Variants in MACROD2 observed in about 807,000 individuals in gnomAD.
MACROD2 encodes the protein mono-ADP ribosylhydrolase 2.
MACROD2 carries 36 observed loss-of-function variants against 70.4 expected under a neutral mutation model. The observed-to-expected ratio is 0.51, with a 90% confidence interval of 0.39 to 0.68. MACROD2 has a LOEUF of 0.68. Among genes scored for constraint, MACROD2 ranks in the 30% least tolerant of loss-of-function variants. MACROD2 has a pLI of 0.00. For synonymous variants in MACROD2, 172 were observed against 178.8 expected, an observed-to-expected ratio of 0.96 and a Z score of 0.30; for missense variants, 496 against 538.4, an observed-to-expected ratio of 0.92 and a Z score of 0.78.
intron 8 of MACROD2, among the ~76,000 whole-genome samples, chr20:15,690,177 A>G (rs1293023902): frequency 2.6e-5 from 4 of 152,236 alleles, no homozygotes; most frequent in African/African-American, 4.8e-5. Flanking sequence ...GAAGGAGACA[A>G]TTGCAGCAAC....
intron 3 of MACROD2, among the ~76,000 whole-genome samples, chr20:14,262,105 A>C (rs2082106126): frequency 6.6e-6 from 1 of 152,208 alleles, no homozygotes; most frequent in Admixed American, 6.5e-5. Context: ...GGAGAGATAT[A>C]AAACAATATA....
intron 5 of MACROD2, among the ~76,000 whole-genome samples, chr20:15,152,594 G>A (rs2076279028): frequency 6.6e-6 from 1 of 151,242 alleles, no homozygotes; most frequent in Non-Finnish European, 1.5e-5. Flanking sequence ...GAAGGTGAAG[G>A]GGTTGAGGGG....
intron 7 of MACROD2, among the ~76,000 whole-genome samples, chr20:15,462,863 C>CT (rs1375789543): frequency 6.6e-6 from 1 of 152,158 alleles, no homozygotes; most frequent in Non-Finnish European, 1.5e-5. Flanking sequence ...CTGATTATGA[C>CT]TGACAACCAG....
intron 8 of MACROD2, among the ~76,000 whole-genome samples, chr20:15,808,241 G>C (rs1030122404): frequency 1.3e-5 from 2 of 152,106 alleles, no homozygotes; most frequent in African/African-American, 2.4e-5. Flanking sequence ...TTTGGCTGTG[G>C]CTCTTCCTGC....
At chr20:15,674,869 G>A (rs949246531) in intron 8 of MACROD2, among the ~76,000 whole-genome samples, 25 of 152,008 alleles carry the variant, frequency 1.6e-4, no homozygotes, top group Admixed American at 7.9e-4. Context: ...AAATATTTTT[G>A]GAGTTGAGCC....
intron 8 of MACROD2, among the ~76,000 whole-genome samples, chr20:15,653,665 C>T (rs147580974): frequency 5.9e-5 from 9 of 152,240 alleles, no homozygotes; most frequent in African/African-American, 1.9e-4. Context: ...TGCTGTTGGT[C>T]AGGTGTCTAC....
intron 8 of MACROD2, among the ~76,000 whole-genome samples, chr20:15,545,086 C>A (rs1260014120): frequency 6.6e-6 from 1 of 152,188 alleles, no homozygotes; most frequent in Non-Finnish European, 1.5e-5. Context: ...TGACATGTAG[C>A]ACACACTGCA....
intron 8 of MACROD2, among the ~76,000 whole-genome samples, chr20:15,639,548 C>A (rs1249227908): frequency 6.6e-6 from 1 of 152,134 alleles, no homozygotes; most frequent in Non-Finnish European, 1.5e-5. Flanking sequence ...CTGTGGCCAC[C>A]CCTGCAGAGC....
At chr20:14,955,072 A>C (rs187086095) in intron 5 of MACROD2, among the ~76,000 whole-genome samples, 3 of 2,784 alleles carry the variant, frequency 1.1e-3, no homozygotes, top group Non-Finnish European at 3.5e-3. Flanking sequence ...AAATATATTA[A>C]ATATTTAATG....
intron 5 of MACROD2, among the ~76,000 whole-genome samples, chr20:14,732,717 C>G (rs2071613972): frequency 6.6e-6 from 1 of 151,872 alleles, no homozygotes; most frequent in Admixed American, 6.6e-5. Context: ...TTTCTTTTCC[C>G]CTGAAAAGTT....
intron 8 of MACROD2, among the ~76,000 whole-genome samples, chr20:15,543,318 A>C (rs1420195927): frequency 6.6e-6 from 1 of 152,162 alleles, no homozygotes; most frequent in Non-Finnish European, 1.5e-5. Flanking sequence ...CCCTACTCGT[A>C]AGATTATAGT....
chr20:15,723,152 T>A (rs2050812518), intron 8 of MACROD2, among the ~76,000 whole-genome samples: 1 of 152,156 alleles, frequency 6.6e-6, no homozygotes, highest in African/African-American at 2.4e-5. Flanking sequence ...ATTTTTAGGC[T>A]CACAGCAAAG....
intron 3 of MACROD2, among the ~76,000 whole-genome samples, chr20:14,204,568 C>G (rs1294615466): frequency 1.3e-5 from 2 of 152,170 alleles, no homozygotes; most frequent in Non-Finnish European, 2.9e-5. Context: ...TCTCAGGGCC[C>G]ATGAGGGCCA....
intron 4 of MACROD2, among the ~76,000 whole-genome samples, chr20:14,674,692 A>G (rs1348227152): frequency 6.6e-6 from 1 of 152,200 alleles, no homozygotes; most frequent in Non-Finnish European, 1.5e-5. Context: ...TCTTCAAAAT[A>G]TGTGACATTA....
chr20:15,447,198 G>T (rs2046580374), intron 7 of MACROD2, among the ~76,000 whole-genome samples: 1 of 152,082 alleles, frequency 6.6e-6, no homozygotes, highest in Non-Finnish European at 1.5e-5. Context: ...TGGTGAGCAT[G>T]GGAAGGTGGT....
chr20:15,241,086 C>T lies in MACROD2; in HGVS notation c.540+11025C>T, dbSNP rs146912945. Among the ~76,000 whole-genome samples, 29 of 152,078 alleles carry T rather than the reference C, an allele frequency of 1.9e-4. No homozygotes were observed. The East Asian group carries it at 5.2e-3, about 27-fold the overall frequency. The stretch of plus-strand genomic sequence containing the variant: ...CTGTTTGTGTATGTTTGAAATTTTC[C>T]GTAACAAAGCAAACTTAAATGTTTA... On this transcript the variant is annotated intron_variant, in intron 6 of 17. Transcript: ENST00000684519.
intron 5 of MACROD2, among the ~76,000 whole-genome samples, chr20:15,040,532 G>A (rs759994370): frequency 8.9e-5 from 13 of 145,820 alleles, no homozygotes; most frequent in Non-Finnish European, 1.8e-4. Flanking sequence ...GGGCTATTGA[G>A]GTGACCAATT....
At chr20:14,933,426 T>C (rs554288267) in intron 5 of MACROD2, among the ~76,000 whole-genome samples, 2 of 152,240 alleles carry the variant, frequency 1.3e-5, no homozygotes, top group Non-Finnish European at 2.9e-5. Flanking sequence ...AGGCCTATAA[T>C]CCCAGCACTT....
At chr20:14,550,069 G>A (rs1051498920) in intron 4 of MACROD2, among the ~76,000 whole-genome samples, 7 of 151,590 alleles carry the variant, frequency 4.6e-5, no homozygotes, top group Non-Finnish European at 1.0e-4. Context: ...ATTACAGGCG[G>A]GTGCCACCAT....
Sources: gnomAD v4.1 joint callset for allele counts (sites outside exome capture counted in the v4.1 genomes callset) on GRCh38, gnomAD v4.1.1 for gene constraint, MANE v1.5 for transcripts, NCBI Gene and HGNC (gene_info 2026-07-23, HGNC 2026-07-21) for gene names.